The following LMO7 variants were observed in gnomAD, a reference collection of about 807,000 sequenced individuals.
The protein encoded by LMO7 is LIM domain 7, also known as LIM domain only protein 7.
A neutral mutation model predicts 206.5 loss-of-function variants in LMO7; 120 were observed. The observed-to-expected ratio is 0.58, with a 90% CI of 0.50 to 0.68. The LOEUF (loss-of-function observed/expected upper bound fraction) is 0.68, where lower values mean the gene tolerates loss of function less well. LMO7 is among the 30% of genes least tolerant of loss of function. The pLI, the probability that LMO7 is intolerant of heterozygous loss-of-function variation, is 0.00. For missense variants in LMO7, 1,959 were observed against 1,957.9 expected (o/e 1.00, Z -0.01); for synonymous variants, 706 against 681.5 (o/e 1.04, Z -0.56).
chr13:75,680,306 C>T (rs920774437), intron 1 of LMO7, among the ~76,000 whole-genome samples: 1 of 152,180 alleles, frequency 6.6e-6, no homozygotes, highest in African/African-American at 2.4e-5. Context: ...CATTGATGGG[C>T]ATTTGGGTTG....
At position 75,760,853 on chromosome 13, in the gene LMO7, G is replaced by T. The variant is rs146366685; in HGVS notation, c.211-79G>T. ...GACTGTAATTGGACTTTGAAGCTTC[G>T]AAGTTATATCATAAAAATTTGTAAC... On this transcript the variant is annotated intron_variant, in intron 3 of 30. Transcript: ENST00000377534. 1.8e-4 allele frequency: 280 copies of T among 1,582,104 alleles called. No individual in the cohort carries two copies. In the African/African-American group the frequency reaches 3.3e-3, roughly 18 times the overall value.
intron 3 of LMO7, among the ~76,000 whole-genome samples, chr13:75,756,330 C>T (rs1271913162): frequency 2.0e-5 from 3 of 152,140 alleles, no homozygotes; most frequent in African/African-American, 7.2e-5. Context: ...TTTGCAGAAA[C>T]ACTGCCAGCT....
chr13:75,624,298 A>G (rs533590800), intron 2 of LMO7, among the ~76,000 whole-genome samples: 5 of 152,292 alleles, frequency 3.3e-5, no homozygotes, highest in East Asian at 3.9e-4. Flanking sequence ...GAATATGACT[A>G]TTTCCAAAAT....
upstream of LMO7, chr13:75,631,894 T>C (rs556098978): frequency 3.3e-5 from 5 of 152,282 alleles, no homozygotes; most frequent in East Asian, 9.6e-4. Flanking sequence ...ATTCTGTGCA[T>C]ATATGTTTGC....
chr13:75,713,385 C>G (rs902399523), intron 2 of LMO7, 133 bp downstream of exon 2: 1 of 549,220 alleles, frequency 1.8e-6, no homozygotes, highest in South Asian at 2.7e-5. Context: ...GAGATTTGAT[C>G]CCTGCAAATT....
intron 7 of LMO7, among the ~76,000 whole-genome samples, chr13:75,801,714 C>T (rs999418510): frequency 2.6e-5 from 4 of 151,992 alleles, no homozygotes; most frequent in South Asian, 2.1e-4. Context: ...GTGCTTCTAT[C>T]GACATCAATG....
chr13:75,684,958 G>A (rs573947702), intron 1 of LMO7, among the ~76,000 whole-genome samples: 23 of 152,154 alleles, frequency 1.5e-4, no homozygotes, highest in Admixed American at 1.4e-3. Context: ...TAATTGTAGC[G>A]GCCCCTTTAA....
chr13:75,627,772 C>T (rs2034405912), intron 2 of LMO7: 1 of 151,746 alleles, frequency 6.6e-6, no homozygotes, highest in Non-Finnish European at 1.5e-5. Flanking sequence ...CTTCCTCTTT[C>T]CCAGAAGCTG....
intron 1 of LMO7, among the ~76,000 whole-genome samples, chr13:75,660,680 G>A (rs1430607609): frequency 6.6e-6 from 1 of 152,042 alleles, no homozygotes; most frequent in Non-Finnish European, 1.5e-5. Flanking sequence ...AGAGGCTTGG[G>A]GCTTCATGGT....
Position 75,853,245 on chromosome 13 carries a change from C to T in LMO7, c.4518C>T (p.Tyr1506=), listed in dbSNP as rs372088123. ...TGGTGTCCACATCAAACCGTGCCTA[C>T]ATGCGGAACCCCTCCTCCAGCGTGC... ...PQLVSTSNRA[Y]MRNPSSSVPP... The change falls in exon 28 of 31, where the codon TAC becomes TAT. Residue 1506 remains tyrosine (Y), a synonymous_variant. Transcript: ENST00000377534. 247 of 1,614,054 alleles carry T rather than the reference C, an allele frequency of 1.5e-4. No individual in the cohort carries two copies. The highest frequency in any genetic ancestry group is 1.9e-4 in the Non-Finnish European group (227 of 1,180,034).
At chr13:75,696,412 T>C (rs1013033224) in intron 1 of LMO7, among the ~76,000 whole-genome samples, 2 of 152,124 alleles carry the variant, frequency 1.3e-5, no homozygotes, top group South Asian at 2.1e-4. Flanking sequence ...AGCTGTGAGA[T>C]GAGATGATGA....
At chr13:75,716,749 T>C (rs1179566149) in intron 2 of LMO7, among the ~76,000 whole-genome samples, 3 of 152,178 alleles carry the variant, frequency 2.0e-5, no homozygotes, top group Non-Finnish European at 4.4e-5. Context: ...TCAGTGTCCA[T>C]GATCTTATTT....
At chr13:75,746,519 T>G (rs964162729) in intron 3 of LMO7, among the ~76,000 whole-genome samples, 1 of 152,178 alleles carries the variant, frequency 6.6e-6, no homozygotes, top group East Asian at 1.9e-4. Flanking sequence ...GTACAGTTTT[T>G]GTTTTTAAAA....
chr13:75,771,734 A>G (rs928381443), intron 4 of LMO7, among the ~76,000 whole-genome samples: 20 of 152,040 alleles, frequency 1.3e-4, no homozygotes, highest in African/African-American at 4.3e-4. Flanking sequence ...AGAAAACATA[A>G]CATGGGATAT....
At chr13:75,663,425 TTTCTTTC>T (rs2038798301) in intron 1 of LMO7, among the ~76,000 whole-genome samples, 3 of 97,472 alleles carry the variant, frequency 3.1e-5, no homozygotes, top group African/African-American at 1.1e-4. Flanking sequence ...TCTTTCTTTC[TTTCTTTC>T]TTTTTTTTTT....
chr13:75,653,203 A>C (rs934264799), intron 1 of LMO7, among the ~76,000 whole-genome samples: 1 of 152,244 alleles, frequency 6.6e-6, no homozygotes, highest in South Asian at 2.1e-4. Flanking sequence ...ACATACTTGC[A>C]TACATTGAAT....
intron 26 of LMO7, 186 bp from the exon 27 acceptor site, chr13:75,848,893 C>T (rs888467847): frequency 2.5e-5 from 14 of 558,574 alleles, no homozygotes; most frequent in Non-Finnish European, 3.8e-5. Context: ...GGAGTGCTCC[C>T]TTTTCCCTGC....
At chr13:75,740,452 T>C (rs2046322243) in intron 3 of LMO7, among the ~76,000 whole-genome samples, 1 of 152,204 alleles carries the variant, frequency 6.6e-6, no homozygotes, top group Non-Finnish European at 1.5e-5. Context: ...AGACTCCATC[T>C]CTTTCAATAA....
chr13:75,684,157 G>A (rs1566307086), intron 1 of LMO7, among the ~76,000 whole-genome samples: 4 of 152,168 alleles, frequency 2.6e-5, no homozygotes, highest in African/African-American at 4.8e-5. Context: ...CATTTAGATG[G>A]TTGGGGGCGG....
Sources: allele counts gnomAD v4.1 joint callset (sites outside exome capture counted in the v4.1 genomes callset), GRCh38; gene constraint gnomAD v4.1.1; transcripts MANE v1.5; gene names NCBI Gene and HGNC (gene_info 2026-07-23, HGNC 2026-07-21).